SLC7A14: variants seen among roughly 807,000 people sequenced by gnomAD.
The protein encoded by SLC7A14 is gamma-aminobutyric acid transporter SLC7A14.
In SLC7A14, 37 loss-of-function variants were observed where a neutral mutation model predicts 60.2. The ratio of observed to expected loss-of-function variants is 0.61; its 90% CI spans 0.47 to 0.81. The LOEUF is 0.81. SLC7A14 is among the 30% of genes least tolerant of loss of function. The pLI is 0.00. For synonymous variants in SLC7A14, 399 were observed against 395.8 expected (o/e 1.01, Z -0.10); for missense variants, 886 against 982.7 (o/e 0.90, Z 1.32).
chr3:170,553,406 G>C (rs887091817), intron 1 of SLC7A14, among the ~76,000 whole-genome samples: 1 of 152,158 alleles, frequency 6.6e-6, no homozygotes, highest in African/African-American at 2.4e-5. Context: ...TGAGATGATA[G>C]GCAATCTGTA....
At chr3:170,512,944 G>A (rs1270493641) in intron 2 of SLC7A14, among the ~76,000 whole-genome samples, 1 of 152,144 alleles carries the variant, frequency 6.6e-6, no homozygotes, top group Non-Finnish European at 1.5e-5. Context: ...CTATGAGGAT[G>A]GAAGGCTGGC....
intron 4 of SLC7A14, among the ~76,000 whole-genome samples, chr3:170,488,661 TAGACCTTTATC>T (rs1253026278): frequency 3.3e-5 from 5 of 152,234 alleles, no homozygotes; most frequent in Non-Finnish European, 7.3e-5. Flanking sequence ...AGAATGAAAC[TAGACCTTTATC>T]TCTCATCATC....
chr3:170,481,236 G>C (rs944891279), intron 6 of SLC7A14, 70 bp from the exon 7 acceptor site: 4 of 1,500,350 alleles, frequency 2.7e-6, no homozygotes, highest in Non-Finnish European at 3.6e-6. Flanking sequence ...GCCAACATAG[G>C]GAGCTAGAAC....
At chr3:170,470,320 G>GTGTGTGTGTGTA (rs1739856333) in intron 7 of SLC7A14, among the ~76,000 whole-genome samples, 2 of 151,468 alleles carry the variant, frequency 1.3e-5, no homozygotes, top group South Asian at 4.2e-4. Flanking sequence ...GTGTGTGTGT[G>GTGTGTGTGTGTA]TGTGTGTGTG....
intron 3 of SLC7A14, among the ~76,000 whole-genome samples, chr3:170,500,258 T>C (rs980737819): frequency 1.3e-5 from 2 of 151,754 alleles, no homozygotes; most frequent in East Asian, 1.9e-4. Context: ...CTGGCCAACA[T>C]TGTGAAACCC....
chr3:170,579,457 AATGAGAACCAGCTTG>A (rs1335281446), intron 1 of SLC7A14, among the ~76,000 whole-genome samples: 18 of 152,248 alleles, frequency 1.2e-4, no homozygotes. Flanking sequence ...ATGAAGAGAA[AATGAGAACCAGCTTG>A]ATCATTTGTT....
In SLC7A14 at chr3:170,467,353, C is replaced by T; in HGVS notation, c.2018G>A (p.Gly673Asp). 6 of 1,603,538 alleles carry T rather than the reference C, an allele frequency of 3.7e-6. No individual in the cohort carries two copies. The highest frequency in any genetic ancestry group is 2.2e-5 in the East Asian group (1 of 44,654). The change falls in exon 8 of 8, where the codon GGC becomes GAC. Residue 673 changes from glycine to aspartate, a missense_variant. Physicochemically the swap from Gly to Asp is moderately conservative, Grantham distance 94. Transcript: ENST00000231706. ...FVGLLIYFGY[G>D]IWNSTLEISA... ...GATTTCCAGGGTGCTGTTCCAGATG[C>T]CATATCCAAAATAAATGAGCAGACC...
At chr3:170,578,767 A>T (rs1184589925) in intron 1 of SLC7A14, among the ~76,000 whole-genome samples, 2 of 152,172 alleles carry the variant, frequency 1.3e-5, no homozygotes, top group Non-Finnish European at 2.9e-5. Context: ...CAAATAATGG[A>T]TTATTCAAGC....
chr3:170,487,960 T>G (rs1326176189), intron 4 of SLC7A14, among the ~76,000 whole-genome samples: 3 of 152,358 alleles, frequency 2.0e-5, no homozygotes, highest in South Asian at 4.1e-4. Flanking sequence ...GATCTTGAAA[T>G]ATCACTTATG....
chr3:170,462,199 C>T lies in SLC7A14; in HGVS notation c.*4856G>A, dbSNP rs141982782. 7.4e-3 allele frequency: 1,124 copies of T among 152,246 alleles called. 6 individuals carry two copies. The highest frequency in any genetic ancestry group is 0.013 in the Non-Finnish European group (880 of 68,018). 9.4% of individuals were successfully genotyped at this position (152,246 alleles called of 1,614,324 possible). On this transcript the variant is annotated 3_prime_UTR_variant, in exon 8 of 8. Transcript: ENST00000231706. ...CTTGGGCCCCTGGTAAAACCTAGTG[C>T]GAAAGGGGACGGCAATTTTCTCCAG...
intron 3 of SLC7A14, among the ~76,000 whole-genome samples, chr3:170,500,621 A>G (rs563876438): frequency 5.3e-5 from 8 of 151,956 alleles, no homozygotes; most frequent in East Asian, 1.9e-4. Context: ...TGAAATTTGG[A>G]AAAAAAATCT....
intron 1 of SLC7A14, among the ~76,000 whole-genome samples, chr3:170,554,131 A>G (rs1714426201): frequency 6.6e-6 from 1 of 152,230 alleles, no homozygotes; most frequent in Non-Finnish European, 1.5e-5. Context: ...AAAAGAAAAA[A>G]AAATGGGCAA....
At chr3:170,474,349 T>G (rs529145015) in intron 7 of SLC7A14, among the ~76,000 whole-genome samples, 2 of 152,324 alleles carry the variant, frequency 1.3e-5, no homozygotes, top group African/African-American at 2.4e-5. Context: ...TGCCACTGAT[T>G]GCAAAGCCCT....
intron 4 of SLC7A14, among the ~76,000 whole-genome samples, chr3:170,492,491 T>C (rs145527900): frequency 3.9e-5 from 6 of 151,914 alleles, no homozygotes. Context: ...GGCGACAGAG[T>C]GAGACTCTGC....
intron 1 of SLC7A14, among the ~76,000 whole-genome samples, chr3:170,566,546 CTCT>C (rs1280453849): frequency 6.6e-6 from 1 of 152,182 alleles, no homozygotes; most frequent in Non-Finnish European, 1.5e-5. Context: ...AGCTTCTCTC[CTCT>C]GTCTCTTGTT....
At chr3:170,516,659 GA>G (rs1325655333) in intron 2 of SLC7A14, among the ~76,000 whole-genome samples, 2 of 152,168 alleles carry the variant, frequency 1.3e-5, no homozygotes, top group Non-Finnish European at 2.9e-5. Flanking sequence ...CTCAGCTACT[GA>G]GGAGGGTGAA....
intron 2 of SLC7A14, among the ~76,000 whole-genome samples, chr3:170,526,247 C>G (rs998573032): frequency 1.3e-5 from 2 of 151,594 alleles, no homozygotes; most frequent in Non-Finnish European, 2.9e-5. Context: ...ACTAAAAATA[C>G]AAAAATTAGC....
At chr3:170,558,773 A>G (rs1455503921) in intron 1 of SLC7A14, among the ~76,000 whole-genome samples, 1 of 152,256 alleles carries the variant, frequency 6.6e-6, no homozygotes, top group East Asian at 1.9e-4. Context: ...ATGAAGAATT[A>G]CAGAGCTGGA....
chr3:170,488,321 ACTC>A (rs1289353576), intron 4 of SLC7A14, among the ~76,000 whole-genome samples: 2 of 151,756 alleles, frequency 1.3e-5, no homozygotes, highest in Non-Finnish European at 2.9e-5. Flanking sequence ...AGAAAAGAGA[ACTC>A]CTGCTTTCCC....
Sources: allele counts gnomAD v4.1 joint callset (sites outside exome capture counted in the v4.1 genomes callset), GRCh38; gene constraint gnomAD v4.1.1; transcripts MANE v1.5; gene names NCBI Gene and HGNC (gene_info 2026-07-23, HGNC 2026-07-21).